Variants in ADAM10 observed in about 807,000 individuals in gnomAD.
ADAM10 encodes ADAM metallopeptidase domain 10.
ADAM10 carries 17 observed loss-of-function variants against 90.1 expected under a neutral mutation model. The ratio of observed to expected loss-of-function variants is 0.19; its 90% confidence interval spans 0.13 to 0.28. The LOEUF is 0.28. Ranked by LOEUF, ADAM10 falls within the 10% of genes least tolerant of loss-of-function variation. The probability of loss-of-function intolerance (pLI) is 1.00; values close to 1 mark genes in which losing one functional copy is unlikely to be tolerated. For synonymous variants in ADAM10, 310 were observed against 298.6 expected, an observed-to-expected ratio of 1.04 and a Z score of -0.40; for missense variants, 610 against 914.3, an observed-to-expected ratio of 0.67 and a Z score of 4.29.
At chr15:58,725,527 C>A (rs917673166) in intron 1 of ADAM10, among the ~76,000 whole-genome samples, 5 of 151,300 alleles carry the variant, frequency 3.3e-5, no homozygotes, top group South Asian at 2.1e-4. Context: ...CAAAGTGAGA[C>A]CCTGTCTCAA....
chr15:58,662,682 G>A (rs1896997268), intron 5 of ADAM10, among the ~76,000 whole-genome samples: 2 of 152,120 alleles, frequency 1.3e-5, no homozygotes, highest in African/African-American at 4.8e-5. Flanking sequence ...ATTTCACAGA[G>A]TCCAGGTAGT....
intron 4 of ADAM10, among the ~76,000 whole-genome samples, chr15:58,674,583 T>C (rs1251623159): frequency 1.3e-5 from 2 of 152,192 alleles, no homozygotes; most frequent in Non-Finnish European, 2.9e-5. Flanking sequence ...CAATTATTCT[T>C]CCCTCTTGTA....
chr15:58,672,472 T>C (rs7177320), intron 4 of ADAM10: 2,867 of 152,016 alleles, frequency 0.019, 83 homozygotes, highest in African/African-American at 0.065. Flanking sequence ...GAAAGGAAAA[T>C]CTGAAGACAT....
intron 2 of ADAM10, among the ~76,000 whole-genome samples, chr15:58,696,314 T>C (rs1261038950): frequency 6.6e-6 from 1 of 151,538 alleles, no homozygotes; most frequent in Non-Finnish European, 1.5e-5. Context: ...AAAAACATTG[T>C]ATGCTATACA....
At chr15:58,712,012 G>GT (rs1898489619) in intron 2 of ADAM10, among the ~76,000 whole-genome samples, 1 of 151,940 alleles carries the variant, frequency 6.6e-6, no homozygotes, top group Non-Finnish European at 1.5e-5. Flanking sequence ...TACATACAAC[G>GT]TAAGAATCAT....
chr15:58,689,307 G>C (rs1321650348), intron 2 of ADAM10, among the ~76,000 whole-genome samples: 1 of 152,068 alleles, frequency 6.6e-6, no homozygotes. Context: ...GCAACATGGT[G>C]AAAGCCTGTC....
At chr15:58,621,803 G>C (rs568051482) in intron 10 of ADAM10, among the ~76,000 whole-genome samples, 182 bp from the exon 11 acceptor site, 5 of 152,284 alleles carry the variant, frequency 3.3e-5, no homozygotes, top group Admixed American at 1.3e-4. Flanking sequence ...CTACTAACTA[G>C]CAATGCAATC....
Position 58,596,191 on chromosome 15 carries a change from T to C in ADAM10, c.*1356A>G, listed in dbSNP as rs1306394797. ...AGGAAAATCATAGCTTTACTTCTAG[T>C]TGAAGTGATGTAGTTGGAAAACAGA... On this transcript the variant is annotated 3_prime_UTR_variant, in exon 16 of 16. Coordinates refer to ENST00000260408, the MANE Select transcript of ADAM10 (RefSeq NM_001110.4). The C allele has an allele frequency of 1.3e-5, 2 of 152,122 alleles. No individual in the cohort carries two copies. The highest frequency in any genetic ancestry group is 2.9e-5 in the Non-Finnish European group (2 of 68,004). The allele number at this position is 152,122 out of a possible 1,614,324, so 9.4% of individuals were successfully genotyped here. A position where few individuals can be genotyped will look rare whatever the true frequency, so the allele number is the denominator to read the frequency against.
intron 5 of ADAM10, among the ~76,000 whole-genome samples, chr15:58,659,417 T>C (rs192859155): frequency 4.6e-5 from 7 of 152,294 alleles, no homozygotes; most frequent in African/African-American, 9.6e-5. Flanking sequence ...TAGTTTGCCA[T>C]GTGTTGAGTG....
At position 58,749,556 on chromosome 15, in the gene ADAM10, C is replaced by T; in HGVS notation, c.-22G>A. ...CCATCTTCCGCTGCCGCTGCCGCCG[C>T]CGCCGCCTCCTCACGGGTTAACAGC... On this transcript the variant is annotated 5_prime_UTR_variant, in exon 1 of 16. Transcript: ENST00000260408. The T allele has an allele frequency of 6.4e-7, 1 of 1,550,710 alleles. No homozygotes were observed. Among genetic ancestry groups the T allele is most frequent in the East Asian group, 2.5e-5 (1 of 40,718 alleles).
intron 2 of ADAM10, chr15:58,707,393 AAAC>A (rs1432058244): frequency 6.6e-6 from 1 of 152,470 alleles, no homozygotes; most frequent in Non-Finnish European, 1.5e-5. Context: ...AAAAAAAAAA[AAAC>A]AAGAACAAGA....
In ADAM10 at chr15:58,589,628, G is replaced by C. The variant is rs1463064074; in HGVS notation, c.*7919C>G. 6.6e-6 allele frequency: 1 copy of C among 152,368 alleles called. No homozygotes were observed. Among genetic ancestry groups the C allele is most frequent in the South Asian group, 2.1e-4 (1 of 4,826 alleles). 9.4% of individuals were successfully genotyped at this position (152,368 alleles called of 1,614,324 possible). A position where few individuals can be genotyped will look rare whatever the true frequency, so the allele number is the denominator to read the frequency against. ...GCAGCAGGTTGATAAGTGAATGGGA[G>C]CTGAAGTAGCCACTGAGTGTAAATG... On this transcript the variant is annotated 3_prime_UTR_variant, in exon 16 of 16. Transcript: ENST00000260408.
At chr15:58,742,681 A>G (rs1278272085) in intron 1 of ADAM10, among the ~76,000 whole-genome samples, 1 of 152,228 alleles carries the variant, frequency 6.6e-6, no homozygotes, top group Non-Finnish European at 1.5e-5. Flanking sequence ...TAGGGTTATT[A>G]TAGTTTTTCC....
intron 2 of ADAM10, among the ~76,000 whole-genome samples, chr15:58,695,025 A>G (rs1897937703): frequency 6.6e-6 from 1 of 152,234 alleles, no homozygotes; most frequent in Non-Finnish European, 1.5e-5. Flanking sequence ...TAACATGAAT[A>G]TATTTTATGT....
At chr15:58,599,522 A>G in intron 15 of ADAM10, 76 bp downstream of exon 15, 3 of 1,495,182 alleles carry the variant, frequency 2.0e-6, no homozygotes, top group Non-Finnish European at 2.8e-6. Flanking sequence ...GTTACTACAG[A>G]CTCATTTATA....
At chr15:58,610,133 G>A in intron 14 of ADAM10, 164 bp downstream of exon 14, 1 of 708,546 alleles carries the variant, frequency 1.4e-6, no homozygotes, top group Non-Finnish European at 2.5e-6. Flanking sequence ...GATCACTTCA[G>A]AAGGAAATAA....
Position 58,646,031 on chromosome 15 carries a change from A to G in ADAM10, c.735+24T>C, listed in dbSNP as rs1161736741. 4.3e-6 allele frequency: 7 copies of G among 1,611,900 alleles called. No homozygotes were observed. In the African/African-American group the frequency reaches 9.4e-5, roughly 22 times the overall value. ...ATTATAAAACAATATGGGAACTACT[A>G]AAATAGCGCATAATCATAAATACCT... On this transcript the variant is annotated intron_variant, in intron 6 of 15. Transcript: ENST00000260408.
chr15:58,601,227 C>T (rs1159604043), intron 14 of ADAM10, among the ~76,000 whole-genome samples: 4 of 152,014 alleles, frequency 2.6e-5, no homozygotes, highest in Non-Finnish European at 4.4e-5. Context: ...TTTGGGAGGC[C>T]GGGGCGGGTG....
chr15:58,709,680 C>G (rs1898411699), intron 2 of ADAM10, among the ~76,000 whole-genome samples: 1 of 152,020 alleles, frequency 6.6e-6, no homozygotes, highest in African/African-American at 2.4e-5. Context: ...GCAGAGGTTG[C>G]AGTGAGACAA....
Sources: gnomAD v4.1 joint callset for allele counts (sites outside exome capture counted in the v4.1 genomes callset) on GRCh38, gnomAD v4.1.1 for gene constraint, MANE v1.5 for transcripts, NCBI Gene and HGNC (gene_info 2026-07-23, HGNC 2026-07-21) for gene names.